The following RABGAP1L variants were observed in gnomAD, a reference collection of about 807,000 sequenced individuals.
RABGAP1L encodes RAB GTPase activating protein 1 like.
RABGAP1L carries 63 observed loss-of-function variants against 137.7 expected under a neutral mutation model. That is an observed-to-expected ratio of 0.46 (90% CI 0.37 to 0.56). The LOEUF (loss-of-function observed/expected upper bound fraction) is 0.56. Among genes scored for constraint, RABGAP1L ranks in the 20% least tolerant of loss-of-function variants. RABGAP1L has a pLI of 0.00. For missense variants in RABGAP1L, 1,095 were observed against 1,244.0 expected (o/e 0.88, Z 1.80); for synonymous variants, 431 against 433.7 (o/e 0.99, Z 0.08).
intron 12 of RABGAP1L, among the ~76,000 whole-genome samples, chr1:174,386,612 A>T (rs1007779719): frequency 2.6e-5 from 4 of 151,494 alleles, no homozygotes; most frequent in African/African-American, 9.7e-5. Flanking sequence ...GGTTCAAGTG[A>T]TTCTCCTGCC....
chr1:174,621,891 G>A (rs1672512643), intron 13 of RABGAP1L, among the ~76,000 whole-genome samples: 1 of 152,150 alleles, frequency 6.6e-6, no homozygotes, highest in African/African-American at 2.4e-5. Flanking sequence ...CACAGCAAAA[G>A]AAACTACCAT....
chr1:174,878,214 G>T (rs145542451), intron 19 of RABGAP1L, among the ~76,000 whole-genome samples: 107 of 152,102 alleles, frequency 7.0e-4, no homozygotes, highest in African/African-American at 2.4e-3. Context: ...AGATATCAAC[G>T]ATCTATACCT....
At chr1:174,403,537 T>C (rs1407241134) in intron 13 of RABGAP1L, among the ~76,000 whole-genome samples, 2 of 152,140 alleles carry the variant, frequency 1.3e-5, no homozygotes, top group Non-Finnish European at 2.9e-5. Context: ...GATTTTTGTG[T>C]AAATTACATA....
chr1:174,396,488 A>G (rs539499393), intron 13 of RABGAP1L, among the ~76,000 whole-genome samples: 1 of 151,996 alleles, frequency 6.6e-6, no homozygotes, highest in Admixed American at 6.6e-5. Context: ...TGATAAATAT[A>G]TATATGTTAG....
chr1:174,513,003 G>T (rs1042607884), intron 13 of RABGAP1L, among the ~76,000 whole-genome samples: 3 of 152,130 alleles, frequency 2.0e-5, no homozygotes, highest in African/African-American at 7.2e-5. Context: ...GGTAACTGCA[G>T]TTCTCCCTGA....
intron 13 of RABGAP1L, among the ~76,000 whole-genome samples, chr1:174,471,931 T>C (rs1319871673): frequency 1.3e-5 from 2 of 152,160 alleles, no homozygotes; most frequent in Admixed American, 1.3e-4. Flanking sequence ...TGGATAGGGC[T>C]GATTCCATTA....
At chr1:174,389,936 C>T (rs1248386301) in intron 12 of RABGAP1L, among the ~76,000 whole-genome samples, 1 of 152,092 alleles carries the variant, frequency 6.6e-6, no homozygotes, top group East Asian at 1.9e-4. Context: ...TGTATCATAA[C>T]TAGTTGCCTA....
Position 174,615,100 on chromosome 1 carries a change from G to C in RABGAP1L, c.1711-22275G>C, listed in dbSNP as rs190707888. Among the ~76,000 whole-genome samples, 11 of 152,272 alleles carry C rather than the reference G, an allele frequency of 7.2e-5. No individual in the cohort carries two copies. In the East Asian group the frequency reaches 2.1e-3, roughly 29 times the overall value. ...ACTCGTCAAAGTCATTCTCCATCCT[G>C]CTTTGTTTCGTTGCTGGTGAGGAAC... On this transcript the variant is annotated intron_variant, in intron 13 of 25. Coordinates refer to ENST00000681986, the MANE Select transcript of RABGAP1L (RefSeq NM_001366446.1).
chr1:174,611,852 CTGTT>C (rs1205322530), intron 13 of RABGAP1L, among the ~76,000 whole-genome samples: 14 of 152,138 alleles, frequency 9.2e-5, no homozygotes, highest in Admixed American at 2.6e-4. Context: ...ATTTGGCTCT[CTGTT>C]TGTCTGTTAT....
chr1:174,558,156 C>G (rs1666998316), intron 13 of RABGAP1L, among the ~76,000 whole-genome samples: 1 of 152,194 alleles, frequency 6.6e-6, no homozygotes, highest in South Asian at 2.1e-4. Flanking sequence ...GGCAGTTCAT[C>G]CGTATTACTC....
intron 1 of RABGAP1L, among the ~76,000 whole-genome samples, chr1:174,195,201 A>G (rs1667481376): frequency 6.6e-6 from 1 of 152,218 alleles, no homozygotes; most frequent in South Asian, 2.1e-4. Context: ...TTGATCCATT[A>G]TAATCTGGCT....
At position 174,403,239 on chromosome 1, in the gene RABGAP1L, GTGTGTGTGTATA is replaced by G. The variant is rs1340016471; in HGVS notation, c.1710+9096_1710+9107del. On this transcript the variant is annotated intron_variant, in intron 13 of 25. Transcript: ENST00000681986. ...TGTGTGTGTGTGTGTGTGTGTGTGT[GTGTGTGTGTATA>G]TATATGTGTATACCATTTCTTTTCT... 8.5e-3 allele frequency among the ~76,000 whole-genome samples: 1,093 copies of G among 129,184 alleles called. 20 individuals are homozygous for G. Among genetic ancestry groups the G allele is most frequent in the African/African-American group, 0.038 (1,053 of 27,980 alleles). 84.7% of individuals were successfully genotyped at this position (129,184 alleles called of 152,430 possible).
chr1:174,434,148 CACA>C (rs1558230269), intron 13 of RABGAP1L, among the ~76,000 whole-genome samples: 6 of 151,258 alleles, frequency 4.0e-5, no homozygotes, highest in African/African-American at 1.5e-4. Flanking sequence ...CACACACACA[CACA>C]CCCTGCCTGG....
chr1:174,165,858 A>T (rs540345216), intron 1 of RABGAP1L, among the ~76,000 whole-genome samples: 1 of 152,206 alleles, frequency 6.6e-6, no homozygotes, highest in Non-Finnish European at 1.5e-5. Context: ...GACAACTAGT[A>T]TGAGAGAAAG....
At chr1:174,560,080 G>A (rs1469515324) in intron 13 of RABGAP1L, among the ~76,000 whole-genome samples, 2 of 151,852 alleles carry the variant, frequency 1.3e-5, no homozygotes, top group Non-Finnish European at 2.9e-5. Flanking sequence ...GTTGCAGTGA[G>A]CTGAGACCAC....
At chr1:174,334,694 T>C (rs931362949) in intron 11 of RABGAP1L, among the ~76,000 whole-genome samples, 4 of 152,196 alleles carry the variant, frequency 2.6e-5, no homozygotes, top group African/African-American at 9.7e-5. Context: ...ACATGGTTCT[T>C]TCTCTCCCCT....
At chr1:174,823,774 C>T (rs955992564) in intron 19 of RABGAP1L, among the ~76,000 whole-genome samples, 1 of 152,178 alleles carries the variant, frequency 6.6e-6, no homozygotes, top group East Asian at 1.9e-4. Context: ...CTGATGTAAT[C>T]ATTACACATA....
At position 174,718,194 on chromosome 1, in the gene RABGAP1L, G is replaced by C. The variant is rs530609815; in HGVS notation, c.2169+15938G>C. The stretch of plus-strand genomic sequence containing the variant: ...GGTCTTCCTTCCTTTTAGGTTTTTG[G>C]TTTGAGTTTTGGTTATTCAATCTCA... On this transcript the variant is annotated intron_variant, in intron 17 of 25. Coordinates refer to ENST00000681986, the MANE Select transcript of RABGAP1L (RefSeq NM_001366446.1). Among the ~76,000 whole-genome samples the C allele has an allele frequency of 2.0e-5, 3 of 151,880 alleles. No individual in the cohort carries two copies. The East Asian group carries it at 5.8e-4, about 29-fold the overall frequency.
chr1:174,807,279 A>T (rs1016820835), intron 18 of RABGAP1L, among the ~76,000 whole-genome samples: 1 of 152,212 alleles, frequency 6.6e-6, no homozygotes, highest in African/African-American at 2.4e-5. Flanking sequence ...ATGAATATGT[A>T]ATCAAGAAAA....
Sources: allele counts gnomAD v4.1 joint callset (sites outside exome capture counted in the v4.1 genomes callset), GRCh38; gene constraint gnomAD v4.1.1; transcripts MANE v1.5; gene names NCBI Gene and HGNC (gene_info 2026-07-23, HGNC 2026-07-21).